The following KCNIP4 variants were observed in gnomAD, a reference collection of about 807,000 sequenced individuals.
KCNIP4 encodes potassium voltage-gated channel interacting protein 4, also known as Kv channel-interacting protein 4.
KCNIP4 carries 12 observed loss-of-function variants against 34.0 expected under a neutral mutation model. The ratio of observed to expected loss-of-function variants is 0.35; its 90% confidence interval spans 0.23 to 0.57. The LOEUF (loss-of-function observed/expected upper bound fraction) is 0.57, where lower values mean the gene tolerates loss of function less well. Ranked by LOEUF, KCNIP4 falls within the 20% of genes least tolerant of loss-of-function variation. KCNIP4 has a pLI of 0.83. For missense variants in KCNIP4, 238 were observed against 311.7 expected (o/e 0.76, Z 1.78); for synonymous variants, 124 against 102.2 (o/e 1.21, Z -1.29).
At chr4:21,531,388 T>TTTC (rs1238734527) in intron 1 of KCNIP4, among the ~76,000 whole-genome samples, 1 of 130,042 alleles carries the variant, frequency 7.7e-6, no homozygotes, top group Admixed American at 8.0e-5. Flanking sequence ...TTCCTTTTTC[T>TTTC]TTCTTTCTTG....
chr4:21,365,962 C>G (rs1283269863), intron 1 of KCNIP4, among the ~76,000 whole-genome samples: 1 of 152,170 alleles, frequency 6.6e-6, no homozygotes, highest in Admixed American at 6.5e-5. Flanking sequence ...AGGCTGAGCT[C>G]AAACTATGAA....
intron 1 of KCNIP4, among the ~76,000 whole-genome samples, chr4:21,116,686 T>C (rs138111331): frequency 1.5e-4 from 23 of 152,336 alleles, no homozygotes; most frequent in Middle Eastern, 3.4e-3. Flanking sequence ...TGGGCAAAAC[T>C]TTCAGAGTAG....
At chr4:20,884,313 C>A (rs1725043363) in intron 1 of KCNIP4, among the ~76,000 whole-genome samples, 1 of 152,064 alleles carries the variant, frequency 6.6e-6, no homozygotes. Context: ...CACCTATCAG[C>A]CCATCATCTA....
At chr4:21,459,948 T>C (rs906592643) in intron 1 of KCNIP4, among the ~76,000 whole-genome samples, 1 of 151,756 alleles carries the variant, frequency 6.6e-6, no homozygotes, top group Non-Finnish European at 1.5e-5. Flanking sequence ...GTCACAACCT[T>C]GTAATCTCCT....
intron 1 of KCNIP4, among the ~76,000 whole-genome samples, chr4:20,983,281 C>T (rs889402968): frequency 2.2e-4 from 33 of 152,286 alleles, no homozygotes; most frequent in African/African-American, 7.9e-4. Context: ...GAAACACTTG[C>T]AAATCAAATG....
rs1733990779 is a variant in KCNIP4, at chr4:21,508,047, C to T, written c.61+440524G>A. On this transcript the variant is annotated intron_variant, in intron 1 of 8. Coordinates refer to ENST00000382152, the MANE Select transcript of KCNIP4 (RefSeq NM_025221.6). ...CAGTTTATTTAGCCAAATTTCTTTT[C>T]CAGTTACACTCTTGAACAATACTTC... 2.0e-5 allele frequency among the ~76,000 whole-genome samples: 3 copies of T among 152,140 alleles called. No homozygotes were observed. The South Asian group carries it at 6.2e-4, about 32-fold the overall frequency.
rs1728890632 is a variant in KCNIP4, at chr4:20,916,988, TATATATATATA to T, written c.62-34290_62-34280del. On this transcript the variant is annotated intron_variant, in intron 1 of 8. Transcript: ENST00000382152. ...TCCACCATTGACCATCTTATGTTTATATATATATATATATATATATATATATATATATATAT... is the reference window on the plus strand; with the variant it reads ...TCCACCATTGACCATCTTATGTTTATTATATATATATATATATATATATAT... 7.8e-3 allele frequency among the ~76,000 whole-genome samples: 236 copies of T among 30,360 alleles called. 37 individuals are homozygous for T. The highest frequency in any genetic ancestry group is 0.031 in the South Asian group (17 of 550). The allele number at this position is 30,360 out of a possible 152,430, so 19.9% of individuals were successfully genotyped here. A position where few individuals can be genotyped will look rare whatever the true frequency, so the allele number is the denominator to read the frequency against.
intron 1 of KCNIP4, among the ~76,000 whole-genome samples, chr4:21,461,701 G>C (rs1229347594): frequency 6.6e-6 from 1 of 151,796 alleles, no homozygotes; most frequent in Non-Finnish European, 1.5e-5. Context: ...AGCCCTACGT[G>C]TGTCCGGGCT....
chr4:21,088,723 T>C (rs984864743), intron 1 of KCNIP4, among the ~76,000 whole-genome samples: 2 of 152,170 alleles, frequency 1.3e-5, no homozygotes, highest in Admixed American at 6.6e-5. Flanking sequence ...TCAGAATCAA[T>C]GTAATTTCCT....
At chr4:21,453,831 G>A (rs1182323247) in intron 1 of KCNIP4, among the ~76,000 whole-genome samples, 1 of 152,094 alleles carries the variant, frequency 6.6e-6, no homozygotes, top group Non-Finnish European at 1.5e-5. Context: ...CAGGGAAGCA[G>A]TGCTGCGTGA....
In KCNIP4 at chr4:20,997,368, G is replaced by A. The variant is rs76708900; in HGVS notation, c.62-114659C>T. ...GCTGAACCCAGCAGAGCATGGTAGCGTATGTGAAGGCTGAGGCTTCACATG... is the reference window on the plus strand; with the variant it reads ...GCTGAACCCAGCAGAGCATGGTAGCATATGTGAAGGCTGAGGCTTCACATG... On this transcript the variant is annotated intron_variant, in intron 1 of 8. Coordinates refer to ENST00000382152, the MANE Select transcript of KCNIP4 (RefSeq NM_025221.6). Among the ~76,000 whole-genome samples the A allele has an allele frequency of 3.9e-4, 59 of 152,288 alleles. No individual in the cohort carries two copies. In the East Asian group the frequency reaches 8.5e-3, roughly 22 times the overall value.
intron 1 of KCNIP4, among the ~76,000 whole-genome samples, chr4:21,182,897 C>A (rs1425961288): frequency 2.0e-5 from 3 of 151,998 alleles, no homozygotes; most frequent in Non-Finnish European, 4.4e-5. Context: ...ATCTACTCAG[C>A]AATTTTCAAA....
intron 1 of KCNIP4, among the ~76,000 whole-genome samples, chr4:21,814,707 A>T (rs1382467586): frequency 6.6e-6 from 1 of 152,168 alleles, no homozygotes; most frequent in African/African-American, 2.4e-5. Flanking sequence ...TCAGACTCGT[A>T]CACCTCTAAG....
intron 1 of KCNIP4, among the ~76,000 whole-genome samples, chr4:21,771,275 T>A (rs1020916147): frequency 2.6e-5 from 4 of 152,108 alleles, no homozygotes; most frequent in Non-Finnish European, 4.4e-5. Context: ...ATTTCTGAGA[T>A]CTCTGTTCTG....
intron 1 of KCNIP4, among the ~76,000 whole-genome samples, chr4:21,883,769 C>T (rs1024496999): frequency 6.6e-6 from 1 of 152,078 alleles, no homozygotes; most frequent in Non-Finnish European, 1.5e-5. Flanking sequence ...TTTGTCTTTA[C>T]ATTTGTGACT....
Position 21,400,893 on chromosome 4 carries a change from G to A in KCNIP4, c.62-518184C>T, listed in dbSNP as rs1316696126. Reference sequence around the variant, plus strand: ...CAATGAAGTTATGCTCAGCATGGTTGCTCGTGCCTGTAATCCCAGCACTTT... The same window carrying A: ...CAATGAAGTTATGCTCAGCATGGTTACTCGTGCCTGTAATCCCAGCACTTT... On this transcript the variant is annotated intron_variant, in intron 1 of 8. Coordinates refer to ENST00000382152, the MANE Select transcript of KCNIP4 (RefSeq NM_025221.6). Among the ~76,000 whole-genome samples the A allele has an allele frequency of 2.0e-5, 3 of 152,262 alleles. No homozygotes were observed. The South Asian group carries it at 6.2e-4, about 32-fold the overall frequency.
intron 1 of KCNIP4, among the ~76,000 whole-genome samples, chr4:21,799,071 C>T (rs959243508): frequency 3.3e-5 from 5 of 151,984 alleles, no homozygotes; most frequent in Non-Finnish European, 5.9e-5. Context: ...TCAACTTTTA[C>T]ATTCTTGAAA....
At chr4:21,074,466 G>T (rs1290785801) in intron 1 of KCNIP4, among the ~76,000 whole-genome samples, 2 of 152,194 alleles carry the variant, frequency 1.3e-5, no homozygotes, top group Admixed American at 6.5e-5. Flanking sequence ...TTGTATTTCT[G>T]TGGGATCGGT....
At chr4:21,612,279 C>A (rs886966085) in intron 1 of KCNIP4, among the ~76,000 whole-genome samples, 1 of 152,022 alleles carries the variant, frequency 6.6e-6, no homozygotes, top group African/African-American at 2.4e-5. Context: ...CAGTATGCCA[C>A]CAAAGTGAAA....
Sources: allele counts gnomAD v4.1 joint callset (sites outside exome capture counted in the v4.1 genomes callset), GRCh38; gene constraint gnomAD v4.1.1; transcripts MANE v1.5; gene names NCBI Gene and HGNC (gene_info 2026-07-23, HGNC 2026-07-21).